KIAA0825: variants seen among roughly 807,000 people sequenced by gnomAD.
KIAA0825 encodes the protein KIAA0825.
A neutral mutation model predicts 147.6 loss-of-function variants in KIAA0825; 119 were observed. The ratio of observed to expected loss-of-function variants is 0.81; its 90% confidence interval spans 0.69 to 0.94. The LOEUF (loss-of-function observed/expected upper bound fraction) is 0.94, where lower values mean the gene tolerates loss of function less well. Among genes scored for constraint, KIAA0825 ranks in the 40% least tolerant of loss-of-function variants. The pLI is 0.00. For synonymous variants in KIAA0825, 470 were observed against 518.1 expected, an observed-to-expected ratio of 0.91 and a Z score of 1.26; for missense variants, 1,381 against 1,472.7, an observed-to-expected ratio of 0.94 and a Z score of 1.02.
At chr5:94,611,003 C>A (rs1431776041) in intron 1 of KIAA0825, among the ~76,000 whole-genome samples, 18 of 151,956 alleles carry the variant, frequency 1.2e-4, no homozygotes, top group Admixed American at 1.2e-3. Flanking sequence ...TGTGGCATGA[C>A]TGCTAGTTGC....
chr5:94,411,574 A>G (rs1752772137), intron 15 of KIAA0825, among the ~76,000 whole-genome samples: 1 of 152,244 alleles, frequency 6.6e-6, no homozygotes, highest in Non-Finnish European at 1.5e-5. Context: ...TAAAATTGCC[A>G]AAAGAAATAA....
chr5:94,337,173 G>A (rs1360544547), intron 20 of KIAA0825, among the ~76,000 whole-genome samples: 3 of 152,068 alleles, frequency 2.0e-5, no homozygotes, highest in African/African-American at 7.2e-5. Flanking sequence ...ATTTTGGGGT[G>A]ATGGAAACTA....
chr5:94,240,301 C>A (rs1294766738), intron 20 of KIAA0825, among the ~76,000 whole-genome samples: 1 of 152,192 alleles, frequency 6.6e-6, no homozygotes, highest in Non-Finnish European at 1.5e-5. Context: ...AGTATTAGCA[C>A]TTGTCAACAA....
chr5:94,464,401 T>G (rs967858364), intron 11 of KIAA0825, among the ~76,000 whole-genome samples: 3 of 152,118 alleles, frequency 2.0e-5, no homozygotes, highest in Admixed American at 2.0e-4. Flanking sequence ...TAGAATATAT[T>G]AGGAAGAAAA....
chr5:94,443,718 G>A (rs1353966900), intron 13 of KIAA0825, among the ~76,000 whole-genome samples: 1 of 151,978 alleles, frequency 6.6e-6, no homozygotes, highest in East Asian at 1.9e-4. Flanking sequence ...CAATTTTTTG[G>A]TATGTACTCA....
intron 20 of KIAA0825, among the ~76,000 whole-genome samples, chr5:94,231,965 C>T (rs1219047035): frequency 2.6e-5 from 4 of 151,994 alleles, no homozygotes; most frequent in African/African-American, 9.7e-5. Context: ...TACTACAACC[C>T]GATTGTCCAA....
chr5:94,470,166 A>G, intron 9 of KIAA0825, 55 bp from the exon 10 acceptor site: 1 of 1,330,718 alleles, frequency 7.5e-7, no homozygotes, highest in Non-Finnish European at 1.0e-6. Flanking sequence ...GCAGTAGGAG[A>G]TAACAATCTC....
At chr5:94,202,579 A>T (rs1375325119) in intron 20 of KIAA0825, among the ~76,000 whole-genome samples, 1 of 152,208 alleles carries the variant, frequency 6.6e-6, no homozygotes, top group Non-Finnish European at 1.5e-5. Context: ...GGAAACACCA[A>T]AGCAGATGCT....
rs967701087 is a variant in KIAA0825, at chr5:94,272,197, T to TG, written c.3710+112170dup. Among the ~76,000 whole-genome samples the TG allele has an allele frequency of 3.5e-5, 5 of 143,210 alleles. No individual in the cohort carries two copies. The Admixed American group carries it at 3.5e-4, about 10-fold the overall frequency. 94.0% of individuals were successfully genotyped at this position (143,210 alleles called of 152,430 possible). A position where few individuals can be genotyped will look rare whatever the true frequency, so the allele number is the denominator to read the frequency against. ...GGTTACCAGGAGTTGGGAAGGGTAG[T>TG]GGGGGGAGGACAGGGACATGGGGAT... On this transcript the variant is annotated intron_variant, in intron 20 of 20. Transcript: ENST00000682413.
intron 5 of KIAA0825, among the ~76,000 whole-genome samples, chr5:94,515,350 C>T (rs1342189693): frequency 6.6e-6 from 1 of 152,164 alleles, no homozygotes; most frequent in Non-Finnish European, 1.5e-5. Context: ...ATGGATCTGA[C>T]TTTCCAGATA....
At chr5:94,560,722 T>C (rs1415129125) in intron 2 of KIAA0825, among the ~76,000 whole-genome samples, 1 of 152,216 alleles carries the variant, frequency 6.6e-6, no homozygotes, top group Non-Finnish European at 1.5e-5. Flanking sequence ...CTCTCAAAGA[T>C]GACATTTACC....
At chr5:94,391,423 G>T in intron 18 of KIAA0825, 112 bp downstream of exon 18, 5 of 960,664 alleles carry the variant, frequency 5.2e-6, no homozygotes, top group Middle Eastern at 5.7e-4. Flanking sequence ...TATTGAGTTT[G>T]GTATTGACTT....
chr5:94,553,406 C>T (rs1034792414), intron 2 of KIAA0825, among the ~76,000 whole-genome samples: 1 of 147,218 alleles, frequency 6.8e-6, no homozygotes, highest in Non-Finnish European at 1.5e-5. Flanking sequence ...CACCATTGCA[C>T]TCCAGCCTGG....
chr5:94,486,989 A>T (rs770844141), intron 5 of KIAA0825, among the ~76,000 whole-genome samples: 1 of 152,204 alleles, frequency 6.6e-6, no homozygotes, highest in Non-Finnish European at 1.5e-5. Flanking sequence ...GCTCAATTCC[A>T]AATTGGAAGT....
chr5:94,181,205 A>G (rs931317724), intron 20 of KIAA0825, among the ~76,000 whole-genome samples: 3 of 152,204 alleles, frequency 2.0e-5, no homozygotes, highest in Non-Finnish European at 2.9e-5. Context: ...AAGGAAGAGC[A>G]TTTGCATTGT....
At chr5:94,598,005 T>G (rs1442718014) in intron 1 of KIAA0825, among the ~76,000 whole-genome samples, 1 of 152,126 alleles carries the variant, frequency 6.6e-6, no homozygotes, top group Non-Finnish European at 1.5e-5. Context: ...TGTGAAGGCC[T>G]AGGACATTAC....
At chr5:94,386,196 G>T (rs546070552) in intron 19 of KIAA0825, 46 bp downstream of exon 19, 3 of 1,497,652 alleles carry the variant, frequency 2.0e-6, no homozygotes, top group Admixed American at 2.3e-5. Context: ...TCTTACTTGG[G>T]TAAAGAAACC....
At chr5:94,616,114 C>T (rs975235944) in intron 1 of KIAA0825, among the ~76,000 whole-genome samples, 2 of 152,100 alleles carry the variant, frequency 1.3e-5, no homozygotes, top group African/African-American at 4.8e-5. Flanking sequence ...GACATAATCC[C>T]AAACTTCATA....
At chr5:94,281,781 GATAA>G (rs1777478884) in intron 20 of KIAA0825, among the ~76,000 whole-genome samples, 1 of 152,084 alleles carries the variant, frequency 6.6e-6, no homozygotes, top group Non-Finnish European at 1.5e-5. Flanking sequence ...CACTGTTGTA[GATAA>G]ATAAATTCCC....
Sources: gnomAD v4.1 joint callset for allele counts (sites outside exome capture counted in the v4.1 genomes callset) on GRCh38, gnomAD v4.1.1 for gene constraint, MANE v1.5 for transcripts, NCBI Gene and HGNC (gene_info 2026-07-23, HGNC 2026-07-21) for gene names.